SUN2: variants seen among roughly 807,000 people sequenced by gnomAD.
SUN2 encodes the protein SUN domain-containing protein 2.
Under a neutral mutation model 100.0 loss-of-function variants are expected in SUN2, and 60 were observed. That is an observed-to-expected ratio of 0.60 (90% CI 0.49 to 0.74). The LOEUF (loss-of-function observed/expected upper bound fraction) is 0.74, where lower values mean the gene tolerates loss of function less well. SUN2 is among the 30% of genes least tolerant of loss of function. The probability of loss-of-function intolerance (pLI) is 0.00; values close to 1 mark genes in which losing one functional copy is unlikely to be tolerated. For missense variants in SUN2, 834 were observed against 954.6 expected (o/e 0.87, Z 1.66); for synonymous variants, 367 against 403.3 (o/e 0.91, Z 1.08).
In SUN2 at chr22:38,736,312, G is replaced by A. The variant is rs1569292511; in HGVS notation, c.2109C>T (p.Tyr703=). 1.9e-6 allele frequency: 3 copies of A among 1,614,084 alleles called. No homozygotes were observed. Among genetic ancestry groups the A allele is most frequent in the East Asian group, 2.2e-5 (1 of 44,882 alleles). Residue 703 remains tyrosine, a synonymous_variant, in exon 18 of 18, where the codon TAC becomes TAT. Transcript: ENST00000689035. ...GCACTCTGAAGCGGTAGATGCAGGT[G>A]TACTCGGGGTGGCCCCAGTTAGTCA... is the stretch of plus-strand genomic sequence containing the variant. The part of the protein sequence containing the change: ...RILTNWGHPE[Y]TCIYRFRVHG...
Position 38,755,480 on chromosome 22 carries a change from G to A in SUN2, c.-38+283C>T. 4 of 988,174 alleles carry A rather than the reference G, an allele frequency of 4.0e-6. No individual in the cohort carries two copies. Among genetic ancestry groups the A allele is most frequent in the Non-Finnish European group, 4.8e-6 (4 of 831,364 alleles). The allele number at this position is 988,174 out of a possible 1,614,324, so 61.2% of individuals were successfully genotyped here. On this transcript the variant is annotated intron_variant, in intron 1 of 17. Transcript: ENST00000689035. The surrounding 1 kb of genome is among the most constrained non-coding windows in gnomAD (Gnocchi z 5.7). ...TAGGCGCTGCCCGGGGCCGGGTTGG[G>A]GCAGTCGGCCTTTGCCCTCCTCCTC...
chr22:38,750,757 C>T lies in SUN2; in HGVS notation c.424+141G>A, dbSNP rs1464232806. 26 of 1,353,336 alleles carry T rather than the reference C, an allele frequency of 1.9e-5. No individual in the cohort carries two copies. The East Asian group carries it at 2.5e-4, about 13-fold the overall frequency. The allele number at this position is 1,353,336 out of a possible 1,614,324, so 83.8% of individuals were successfully genotyped here. ...GGGGCCACCGCAGGCCAGGCTGGGG[C>T]GCACCCAGGGCCGGGCATGGGAGGG... is the stretch of plus-strand genomic sequence containing the variant. On this transcript the variant is annotated intron_variant, in intron 4 of 17. Coordinates refer to ENST00000689035, the MANE Select transcript of SUN2 (RefSeq NM_015374.3).
At position 38,749,686 on chromosome 22, in the gene SUN2, C is replaced by T. The variant is rs931021272; in HGVS notation, c.614+80G>A. The T allele has an allele frequency of 6.1e-6, 8 of 1,319,060 alleles. No individual in the cohort carries two copies. In the African/African-American group the frequency reaches 8.8e-5, roughly 15 times the overall value. 81.7% of individuals were successfully genotyped at this position (1,319,060 alleles called of 1,614,324 possible). ...CTGGGGAAAACCCTCAGAGAATCGA[C>T]CATTACAGGTTGACACACTTTACCC... On this transcript the variant is annotated intron_variant, in intron 6 of 17. Coordinates refer to ENST00000689035, the MANE Select transcript of SUN2 (RefSeq NM_015374.3).
intron 7 of SUN2, 87 bp downstream of exon 7, chr22:38,748,626 T>C: frequency 6.7e-7 from 1 of 1,489,240 alleles, no homozygotes; most frequent in Admixed American, 1.7e-5. Context: ...CCCCACCCAG[T>C]CTTGCCCCTT....
At chr22:38,753,436 G>A (rs996138396) in intron 1 of SUN2, among the ~76,000 whole-genome samples, 4 of 151,580 alleles carry the variant, frequency 2.6e-5, no homozygotes, top group Non-Finnish European at 5.9e-5. Context: ...GGCTGGTCTC[G>A]AACTCCTGAC....
rs916613380 is a variant in SUN2 at position 38,740,084 on chromosome 22, G to C, written c.1357-141C>G. On this transcript the variant is annotated intron_variant, in intron 12 of 17. Coordinates refer to ENST00000689035, the MANE Select transcript of SUN2 (RefSeq NM_015374.3). The surrounding 1 kb of genome is among the most constrained non-coding windows in gnomAD (Gnocchi z 4.8). Reference sequence around the variant, plus strand: ...AGGAAAGAGTTATGAACACTCCATGGGCACTAACAAAAACAGGAAGAACGC... The same window carrying C: ...AGGAAAGAGTTATGAACACTCCATGCGCACTAACAAAAACAGGAAGAACGC... The C allele has an allele frequency of 8.2e-7, 1 of 1,214,108 alleles. No homozygotes were observed. The allele number at this position is 1,214,108 out of a possible 1,614,324, so 75.2% of individuals were successfully genotyped here. A position where few individuals can be genotyped will look rare whatever the true frequency, so the allele number is the denominator to read the frequency against.
Position 38,739,474 on chromosome 22 carries a change from C to A in SUN2, c.1579-48G>T. The A allele has an allele frequency of 6.3e-7, 1 of 1,597,420 alleles. No individual in the cohort carries two copies. Among genetic ancestry groups the A allele is most frequent in the East Asian group, 2.2e-5 (1 of 44,710 alleles). On this transcript the variant is annotated intron_variant, in intron 13 of 17. Coordinates refer to ENST00000689035, the MANE Select transcript of SUN2 (RefSeq NM_015374.3). The surrounding 1 kb of genome is among the most constrained non-coding windows in gnomAD (Gnocchi z 6.7). ...CGGTTGCAGCAGGGAGCAGACGTGT[C>A]CCCCTGTCACCTCGTGGCCGTGGGC...
intron 6 of SUN2, 27 bp downstream of exon 6, chr22:38,749,739 T>C (rs750102673): frequency 6.8e-6 from 11 of 1,606,994 alleles, no homozygotes; most frequent in Admixed American, 3.3e-5. Context: ...CCTTGCGATT[T>C]ATTGGCAAGG....
chr22:38,742,368 C>A lies in SUN2; in HGVS notation c.1001G>T (p.Gly334Val), dbSNP rs1309611354. The stretch of plus-strand genomic sequence containing the variant: ...GGCAGCTTCACGGCGGCTCACTAGC[C>A]CCTCCAGCAGCGCCAGGGTGTCCTC... ...SHEDTLALLE[G>V]LVSRREAALK... The change falls in exon 9 of 18, where the codon GGG becomes GTG. Residue 334 changes from glycine (G) to valine (V), a missense_variant. Physicochemically the swap from Gly to Val is moderately radical, Grantham distance 109. This residue lies in a region of SUN2 where 559 missense variants were observed against 597.7 expected (regional missense o/e 0.94). Transcript: ENST00000689035. 2 of 1,613,134 alleles carry A rather than the reference C, an allele frequency of 1.2e-6. No homozygotes were observed. Among genetic ancestry groups the A allele is most frequent in the Admixed American group, 1.7e-5 (1 of 60,016 alleles).
At position 38,740,858 on chromosome 22, in the gene SUN2, T is replaced by C; in HGVS notation, c.1190+149A>G. 1 of 844,546 alleles carries C rather than the reference T, an allele frequency of 1.2e-6. No individual in the cohort carries two copies. Among genetic ancestry groups the C allele is most frequent in the South Asian group, 1.5e-5 (1 of 64,682 alleles). The allele number at this position is 844,546 out of a possible 1,614,324, so 52.3% of individuals were successfully genotyped here. A position where few individuals can be genotyped will look rare whatever the true frequency, so the allele number is the denominator to read the frequency against. On this transcript the variant is annotated intron_variant, in intron 11 of 17. Coordinates refer to ENST00000689035, the MANE Select transcript of SUN2 (RefSeq NM_015374.3). This position sits in a 1 kb window ranked among gnomAD's most constrained non-coding sequence, Gnocchi z 4.8. ...CTCAAAGACAGGCCCTGGGCAGGGG[T>C]CCTGAGCTGGGTTTCAACCCCTCCC...
In SUN2 at chr22:38,755,232, C is replaced by T. The variant is rs940303472; in HGVS notation, c.-38+531G>A. On this transcript the variant is annotated intron_variant, in intron 1 of 17. Coordinates refer to ENST00000689035, the MANE Select transcript of SUN2 (RefSeq NM_015374.3). The surrounding 1 kb of genome is among the most constrained non-coding windows in gnomAD (Gnocchi z 5.7). ...GCCCTTGTGGGACCTGCCAAACGCC[C>T]GGTGCTAACTCCCTCTGCCCTCATT... is the stretch of plus-strand genomic sequence containing the variant. 35 of 1,182,192 alleles carry T rather than the reference C, an allele frequency of 3.0e-5. No individual in the cohort carries two copies. Among genetic ancestry groups the T allele is most frequent in the Non-Finnish European group, 3.5e-5 (33 of 939,228 alleles). 73.2% of individuals were successfully genotyped at this position (1,182,192 alleles called of 1,614,324 possible).
In SUN2 at chr22:38,740,559, C is replaced by A. The variant is rs1455962024; in HGVS notation, c.1191-127G>T. 6 of 1,077,196 alleles carry A rather than the reference C, an allele frequency of 5.6e-6. No individual in the cohort carries two copies. Among genetic ancestry groups the A allele is most frequent in the Non-Finnish European group, 6.4e-6 (5 of 784,088 alleles). The allele number at this position is 1,077,196 out of a possible 1,614,324, so 66.7% of individuals were successfully genotyped here. A position where few individuals can be genotyped will look rare whatever the true frequency, so the allele number is the denominator to read the frequency against. On this transcript the variant is annotated intron_variant, in intron 11 of 17. Transcript: ENST00000689035. The surrounding 1 kb of genome is among the most constrained non-coding windows in gnomAD (Gnocchi z 4.8). ...GCGGGTGCCCAGCACTCATTGTGAA[C>A]CTGAGAAGGGGCAAGGCCTCTCCTG...
Position 38,740,794 on chromosome 22 carries a change from C to G in SUN2, c.1190+213G>C, listed in dbSNP as rs1340974589. On this transcript the variant is annotated intron_variant, in intron 11 of 17. Transcript: ENST00000689035. The surrounding 1 kb of genome is among the most constrained non-coding windows in gnomAD (Gnocchi z 4.8). The stretch of plus-strand genomic sequence containing the variant: ...ATCCCGGTCCTCTCACACAGCCTGC[C>G]CCCCGCCCTCAGGACCCCCCTGCTA... The G allele has an allele frequency of 1.6e-6, 1 of 608,528 alleles. No individual in the cohort carries two copies. The highest frequency in any genetic ancestry group is 1.8e-5 in the African/African-American group (1 of 54,060). 37.7% of individuals were successfully genotyped at this position (608,528 alleles called of 1,614,324 possible).
At position 38,755,610 on chromosome 22, in the gene SUN2, G is replaced by C. The variant is rs2092979507; in HGVS notation, c.-38+153C>G. On this transcript the variant is annotated intron_variant, in intron 1 of 17. Coordinates refer to ENST00000689035, the MANE Select transcript of SUN2 (RefSeq NM_015374.3). This position sits in a 1 kb window ranked among gnomAD's most constrained non-coding sequence, Gnocchi z 5.7. The stretch of plus-strand genomic sequence containing the variant: ...CAGGAGGTGAGTCAGGGCGCGGGCC[G>C]CGGACCCGGGTGGAGGCTGGATCCG... 1 of 938,990 alleles carries C rather than the reference G, an allele frequency of 1.1e-6. No individual in the cohort carries two copies. The highest frequency in any genetic ancestry group is 1.3e-6 in the Non-Finnish European group (1 of 787,500). 58.2% of individuals were successfully genotyped at this position (938,990 alleles called of 1,614,324 possible).
chr22:38,739,693 G>T lies in SUN2; in HGVS notation c.1578+29C>A, dbSNP rs751213197. 3 of 1,605,576 alleles carry T rather than the reference G, an allele frequency of 1.9e-6. No homozygotes were observed. In the South Asian group the frequency reaches 3.3e-5, roughly 18 times the overall value. ...TCCCAGGGAGGAGAGCTGTGGGTGG[G>T]TGTGTGGAGAGGGGCATGTGGGCCT... On this transcript the variant is annotated intron_variant, in intron 13 of 17. Transcript: ENST00000689035. This position sits in a 1 kb window ranked among gnomAD's most constrained non-coding sequence, Gnocchi z 6.7.
At chr22:38,750,129 GTC>G (rs1371278103) in intron 5 of SUN2, 94 bp downstream of exon 5, 2 of 1,526,016 alleles carry the variant, frequency 1.3e-6, no homozygotes, top group African/African-American at 1.4e-5. Context: ...TGGTCCTACA[GTC>G]TCTCTGCATG....
chr22:38,740,199 G>T lies in SUN2; in HGVS notation c.1356+68C>A. ...CAGGGGCAAGGGGTGCTGCTTTGCAGGCCCCAGGACACGTCGTCTCAAAGG... is the reference window on the plus strand; with the variant it reads ...CAGGGGCAAGGGGTGCTGCTTTGCATGCCCCAGGACACGTCGTCTCAAAGG... On this transcript the variant is annotated intron_variant, in intron 12 of 17. Coordinates refer to ENST00000689035, the MANE Select transcript of SUN2 (RefSeq NM_015374.3). This position sits in a 1 kb window ranked among gnomAD's most constrained non-coding sequence, Gnocchi z 4.8. 1 of 1,455,912 alleles carries T rather than the reference G, an allele frequency of 6.9e-7. No homozygotes were observed. Among genetic ancestry groups the T allele is most frequent in the Non-Finnish European group, 9.1e-7 (1 of 1,101,612 alleles). 90.2% of individuals were successfully genotyped at this position (1,455,912 alleles called of 1,614,324 possible).
intron 9 of SUN2, 87 bp from the exon 10 acceptor site, chr22:38,741,658 A>T: frequency 7.7e-7 from 1 of 1,298,718 alleles, no homozygotes; most frequent in Non-Finnish European, 1.1e-6. Flanking sequence ...CTGGAATTCA[A>T]ACAAGGTCTG....
At position 38,755,763 on chromosome 22, in the gene SUN2, C is replaced by T. The variant is rs2092980671; in HGVS notation, c.-38G>A. On this transcript the variant is annotated splice_region_variant and 5_prime_UTR_variant, in exon 1 of 18. Transcript: ENST00000689035. This position sits in a 1 kb window ranked among gnomAD's most constrained non-coding sequence, Gnocchi z 5.7. ...CTCTCCTGAGCTCGCCCGCACTCAC[C>T]TGCTGCCGCGGCGGCTTCTAGCCCG... 2.0e-6 allele frequency: 2 copies of T among 984,770 alleles called. No individual in the cohort carries two copies. Among genetic ancestry groups the T allele is most frequent in the Admixed American group, 1.2e-4 (2 of 16,212 alleles). The allele number at this position is 984,770 out of a possible 1,614,324, so 61.0% of individuals were successfully genotyped here. A position where few individuals can be genotyped will look rare whatever the true frequency, so the allele number is the denominator to read the frequency against.
Sources: allele counts gnomAD v4.1 joint callset (sites outside exome capture counted in the v4.1 genomes callset), GRCh38; gene constraint gnomAD v4.1.1; regional missense constraint gnomAD v4.1.1; non-coding constraint Gnocchi (gnomAD v3.1); transcripts MANE v1.5; gene names NCBI Gene and HGNC (gene_info 2026-07-23, HGNC 2026-07-21).